ZBTB14: variants seen among roughly 807,000 people sequenced by gnomAD.
ZBTB14 encodes the protein zinc finger and BTB domain containing 14.
ZBTB14 carries 8 observed loss-of-function variants against 29.5 expected under a neutral mutation model. The observed-to-expected ratio is 0.27, with a 90% CI of 0.16 to 0.49. ZBTB14 has a LOEUF of 0.49. ZBTB14 is among the 20% of genes least tolerant of loss of function. The pLI, the probability that ZBTB14 is intolerant of heterozygous loss-of-function variation, is 0.99. For synonymous variants in ZBTB14, 226 were observed against 207.2 expected, an observed-to-expected ratio of 1.09 and a Z score of -0.78; for missense variants, 333 against 563.8, an observed-to-expected ratio of 0.59 and a Z score of 4.15.
intron 1 of ZBTB14, among the ~76,000 whole-genome samples, chr18:5,295,434 G>C (rs1047660780): frequency 6.9e-6 from 1 of 145,108 alleles, no homozygotes; most frequent in Non-Finnish European, 1.5e-5. Context: ...CCGGCGGGCC[G>C]CGCTCCGCGC....
upstream of ZBTB14, among the ~76,000 whole-genome samples, chr18:5,296,553 C>T (rs2071972915): frequency 6.6e-6 from 1 of 151,840 alleles, no homozygotes; most frequent in African/African-American, 2.4e-5. Flanking sequence ...CACTTTCGCC[C>T]TCCGCGCACA....
upstream of ZBTB14, chr18:5,296,010 G>C (rs1386241550): frequency 6.6e-6 from 1 of 151,712 alleles, no homozygotes; most frequent in Non-Finnish European, 1.5e-5. Flanking sequence ...CCTCCTGCAC[G>C]AGCACAGAAT....
At position 5,290,059 on chromosome 18, in the gene ZBTB14, G is replaced by C. The variant is rs2071776793; in HGVS notation, c.*799C>G. The stretch of plus-strand genomic sequence containing the variant: ...CACATGTAAAAAACCTTATCTCTGA[G>C]AGCCTTTTCTATTCTTCTTACCACA... On this transcript the variant is annotated 3_prime_UTR_variant, in exon 4 of 4. Transcript: ENST00000651870. 1 of 152,170 alleles carries C rather than the reference G, an allele frequency of 6.6e-6. No homozygotes were observed. The highest frequency in any genetic ancestry group is 2.1e-4 in the South Asian group (1 of 4,830). The allele number at this position is 152,170 out of a possible 1,614,324, so 9.4% of individuals were successfully genotyped here.
chr18:5,294,651 G>C (rs3813072), intron 1 of ZBTB14: 1 of 152,264 alleles, frequency 6.6e-6, no homozygotes. Flanking sequence ...GCTGTTGCCA[G>C]CATCTGTGTA....
In ZBTB14 at chr18:5,289,936, T is replaced by C. The variant is rs1161548371; in HGVS notation, c.*922A>G. The C allele has an allele frequency of 2.6e-5, 4 of 152,322 alleles. No homozygotes were observed. Among genetic ancestry groups the C allele is most frequent in the South Asian group, 2.1e-4 (1 of 4,828 alleles). 9.4% of individuals were successfully genotyped at this position (152,322 alleles called of 1,614,324 possible). ...TTCTGTAAAGTTACACAAATGTATC[T>C]GAAGAAGTTATCTGTTCTTGTCCTA... On this transcript the variant is annotated 3_prime_UTR_variant, in exon 4 of 4. Transcript: ENST00000651870.
Position 5,291,635 on chromosome 18 carries a change from G to A in ZBTB14, c.573C>T (p.Pro191=). ...CTTCCTGAACCCTGAGCGTTGTGGTGGGCGACTTGCCGTCCTCCTGACTCG... is the reference window on the plus strand; with the variant it reads ...CTTCCTGAACCCTGAGCGTTGTGGTAGGCGACTTGCCGTCCTCCTGACTCG... ...TPPSQEDGKS[P]TTTLRVQEAI... is the part of the protein sequence containing the mutation. The change falls in exon 4 of 4, where the codon CCC becomes CCT. Residue 191 remains proline (P), a synonymous_variant. Coordinates refer to ENST00000651870, the MANE Select transcript of ZBTB14 (RefSeq NM_001243702.2). The surrounding 1 kb of genome is among the most constrained non-coding windows in gnomAD (Gnocchi z 5.8). The A allele has an allele frequency of 1.2e-6, 2 of 1,613,798 alleles. No homozygotes were observed. Among genetic ancestry groups the A allele is most frequent in the East Asian group, 2.2e-5 (1 of 44,872 alleles).
intron 1 of ZBTB14, chr18:5,294,692 A>G (rs1372683269): frequency 6.6e-6 from 1 of 152,258 alleles, no homozygotes; most frequent in African/African-American, 2.4e-5. Flanking sequence ...TAGCCCCAAC[A>G]CCACCTTCAT....
At chr18:5,295,039 G>A (rs1228457031) in intron 1 of ZBTB14, among the ~76,000 whole-genome samples, 1 of 151,998 alleles carries the variant, frequency 6.6e-6, no homozygotes, top group East Asian at 1.9e-4. Context: ...TGGGAGCCAG[G>A]TGGTGAAAGG....
At position 5,291,828 on chromosome 18, in the gene ZBTB14, T is replaced by C. The variant is rs2071824140; in HGVS notation, c.380A>G (p.Lys127Arg). The stretch of plus-strand genomic sequence containing the variant: ...TTCATCGGGACTGGACACATCACGC[T>C]TCTGAGAACACAGTTTATCCAAAAA... ...IRFLDKLCSQKRDVSSPDENN... is the reference protein window; with the variant it reads ...IRFLDKLCSQRRDVSSPDENN... The change falls in exon 4 of 4, where the codon AAG becomes AGG. Residue 127 changes from lysine (K) to arginine (R), a missense_variant. By Grantham distance (26) the Lys-to-Arg change is conservative (BLOSUM62 2). Coordinates refer to ENST00000651870, the MANE Select transcript of ZBTB14 (RefSeq NM_001243702.2). This position sits in a 1 kb window ranked among gnomAD's most constrained non-coding sequence, Gnocchi z 5.8. 1 of 1,613,996 alleles carries C rather than the reference T, an allele frequency of 6.2e-7. No homozygotes were observed.
At chr18:5,294,194 G>A (rs1240962030) in intron 1 of ZBTB14, among the ~76,000 whole-genome samples, 193 bp from the exon 2 acceptor site, 1 of 152,188 alleles carries the variant, frequency 6.6e-6, no homozygotes. Flanking sequence ...GCTACCCAGC[G>A]TAGAAGCGGG....
At position 5,290,785 on chromosome 18, in the gene ZBTB14, T is replaced by C. The variant is rs548815844; in HGVS notation, c.*73A>G. ...TACGTTTCCACAAAAATATTGTAAC[T>C]GGCATTCACTCATTATGATCCACGT... On this transcript the variant is annotated 3_prime_UTR_variant, in exon 4 of 4. Transcript: ENST00000651870. 23 of 1,542,740 alleles carry C rather than the reference T, an allele frequency of 1.5e-5. No homozygotes were observed. The East Asian group carries it at 2.7e-4, about 18-fold the overall frequency.
In ZBTB14 at chr18:5,291,403, G is replaced by A; in HGVS notation, c.805C>T (p.Leu269Phe). ...AASDMKFEYL[L>F]YGHHREQIAC... ...ATCTGCTCCCGATGGTGACCATAAAGCAAATACTCAAACTTCATGTCACTG... is the reference window on the plus strand; with the variant it reads ...ATCTGCTCCCGATGGTGACCATAAAACAAATACTCAAACTTCATGTCACTG... The change falls in exon 4 of 4, where the codon CTT (leucine) becomes TTT (phenylalanine). Residue 269 changes from leucine to phenylalanine, a missense_variant. By Grantham distance (22) the Leu-to-Phe change is conservative (BLOSUM62 0). Around this residue, in one of 3 missense-constraint regions of ZBTB14, gnomAD observed 140 missense variants for 274.6 expected, o/e 0.51. Transcript: ENST00000651870. This position sits in a 1 kb window ranked among gnomAD's most constrained non-coding sequence, Gnocchi z 5.8. The A allele has an allele frequency of 1.2e-6, 2 of 1,614,202 alleles. No homozygotes were observed. The highest frequency in any genetic ancestry group is 1.7e-6 in the Non-Finnish European group (2 of 1,180,032).
In ZBTB14 at chr18:5,290,229, G is replaced by C. The variant is rs1383111908; in HGVS notation, c.*629C>G. 1.3e-5 allele frequency: 2 copies of C among 152,312 alleles called. No homozygotes were observed. Among genetic ancestry groups the C allele is most frequent in the Admixed American group, 6.5e-5 (1 of 15,282 alleles). The allele number at this position is 152,312 out of a possible 1,614,324, so 9.4% of individuals were successfully genotyped here. A position where few individuals can be genotyped will look rare whatever the true frequency, so the allele number is the denominator to read the frequency against. On this transcript the variant is annotated 3_prime_UTR_variant, in exon 4 of 4. Coordinates refer to ENST00000651870, the MANE Select transcript of ZBTB14 (RefSeq NM_001243702.2). ...GACTACAGCTTTTGGGTAGGTACAGGGCAATCAAGATTGAGGAAGAACACT... is the reference window on the plus strand; with the variant it reads ...GACTACAGCTTTTGGGTAGGTACAGCGCAATCAAGATTGAGGAAGAACACT...
Position 5,290,683 on chromosome 18 carries a change from AG to A in ZBTB14, c.*174del, listed in dbSNP as rs1324782091. ...CAGTGAAACGGTTTGGTCAGAACTG[AG>A]GAACACCATTTCCTTGAAAAGTCTT... is the stretch of plus-strand genomic sequence containing the variant. On this transcript the variant is annotated 3_prime_UTR_variant, in exon 4 of 4. Coordinates refer to ENST00000651870, the MANE Select transcript of ZBTB14 (RefSeq NM_001243702.2). 1 of 965,048 alleles carries A rather than the reference AG, an allele frequency of 1.0e-6. No homozygotes were observed. The highest frequency in any genetic ancestry group is 1.5e-6 in the Non-Finnish European group (1 of 670,408). 59.8% of individuals were successfully genotyped at this position (965,048 alleles called of 1,614,324 possible).
At position 5,289,881 on chromosome 18, in the gene ZBTB14, T is replaced by C. The variant is rs1016583157; in HGVS notation, c.*977A>G. 1 of 152,528 alleles carries C rather than the reference T, an allele frequency of 6.6e-6. No individual in the cohort carries two copies. Among genetic ancestry groups the C allele is most frequent in the African/African-American group, 2.4e-5 (1 of 41,466 alleles). 9.4% of individuals were successfully genotyped at this position (152,528 alleles called of 1,614,324 possible). On this transcript the variant is annotated 3_prime_UTR_variant, in exon 4 of 4. Coordinates refer to ENST00000651870, the MANE Select transcript of ZBTB14 (RefSeq NM_001243702.2). Reference sequence around the variant, plus strand: ...GCATCTCCTTTATGGATAAATCATGTGCCCCACAGAGCCCCAAAGCTTGAT... The same window carrying C: ...GCATCTCCTTTATGGATAAATCATGCGCCCCACAGAGCCCCAAAGCTTGAT...
At chr18:5,294,184 G>C (rs1162523691) in intron 1 of ZBTB14, among the ~76,000 whole-genome samples, 183 bp from the exon 2 acceptor site, 1 of 152,176 alleles carries the variant, frequency 6.6e-6, no homozygotes, top group Non-Finnish European at 1.5e-5. Context: ...AACACACCGA[G>C]CTACCCAGCG....
chr18:5,291,158 CTTCT>C lies in ZBTB14; in HGVS notation c.1046_1049del (p.Lys349SerfsTer55). 2 of 1,614,256 alleles carry C rather than the reference CTTCT, an allele frequency of 1.2e-6. No individual in the cohort carries two copies. The highest frequency in any genetic ancestry group is 8.5e-7 in the Non-Finnish European group (1 of 1,180,048). Reference sequence around the variant, plus strand: ...TTTCATTACTGTGAACTCTCTCATGCTTCTTTAAGTCTGGGGCACGGATAAATGA... The same window carrying C: ...TTTCATTACTGTGAACTCTCTCATGCTTAAGTCTGGGGCACGGATAAATGA... On this transcript the variant is annotated frameshift_variant, in exon 4 of 4. Transcript: ENST00000651870. LOFTEE classifies it high-confidence loss of function. The surrounding 1 kb of genome is among the most constrained non-coding windows in gnomAD (Gnocchi z 5.8).
chr18:5,295,869 C>G (rs1262683723), upstream of ZBTB14: 2 of 151,764 alleles, frequency 1.3e-5, no homozygotes, highest in Non-Finnish European at 2.9e-5. Context: ...CGCTAGCAAA[C>G]GCAGGCCGGG....
chr18:5,294,700 CATA>C (rs1729499821), intron 1 of ZBTB14: 1 of 152,378 alleles, frequency 6.6e-6, no homozygotes, highest in Non-Finnish European at 1.5e-5. Flanking sequence ...ACACCACCTT[CATA>C]ATAAGGCTGC....
Sources: gnomAD v4.1 joint callset for allele counts (sites outside exome capture counted in the v4.1 genomes callset) on GRCh38, gnomAD v4.1.1 for gene constraint, gnomAD v4.1.1 regional missense constraint, Gnocchi (gnomAD v3.1) non-coding constraint, MANE v1.5 for transcripts, NCBI Gene and HGNC (gene_info 2026-07-23, HGNC 2026-07-21) for gene names.